Variants in HCN1 observed in about 807,000 individuals in gnomAD.
HCN1 encodes the protein potassium/sodium hyperpolarization-activated cyclic nucleotide-gated channel 1.
HCN1 carries 13 observed loss-of-function variants against 78.9 expected under a neutral mutation model. The ratio of observed to expected loss-of-function variants is 0.16; its 90% CI spans 0.11 to 0.26. The LOEUF is 0.26. Ranked by LOEUF, HCN1 falls within the 10% of genes least tolerant of loss-of-function variation. The pLI is 1.00. For missense variants in HCN1, 810 were observed against 1,154.3 expected, an observed-to-expected ratio of 0.70 and a Z score of 4.32; for synonymous variants, 552 against 455.5, an observed-to-expected ratio of 1.21 and a Z score of -2.70.
intron 1 of HCN1, among the ~76,000 whole-genome samples, chr5:45,690,030 A>G (rs1739877329): frequency 6.6e-6 from 1 of 152,122 alleles, no homozygotes; most frequent in South Asian, 2.1e-4. Context: ...CAGTCATTCC[A>G]TTCCCTGAAC....
rs1744576815 is a variant in HCN1, at chr5:45,254,991, G to A, written c.*6930C>T. 6.6e-6 allele frequency: 1 copy of A among 152,160 alleles called. No homozygotes were observed. The highest frequency in any genetic ancestry group is 2.4e-5 in the African/African-American group (1 of 41,426). The allele number at this position is 152,160 out of a possible 1,614,324, so 9.4% of individuals were successfully genotyped here. On this transcript the variant is annotated 3_prime_UTR_variant, in exon 8 of 8. Coordinates refer to ENST00000303230, the MANE Select transcript of HCN1 (RefSeq NM_021072.4). ...ATTTTTATAATGTCAATGTATTATTGATAGCATTAAAAATGTTACAGAAGG... is the reference window on the plus strand; with the variant it reads ...ATTTTTATAATGTCAATGTATTATTAATAGCATTAAAAATGTTACAGAAGG...
chr5:45,358,972 GCTCTAA>G (rs972770145), intron 4 of HCN1, among the ~76,000 whole-genome samples: 19 of 152,124 alleles, frequency 1.2e-4, no homozygotes, highest in African/African-American at 4.3e-4. Context: ...TTCTTCTTCT[GCTCTAA>G]CTCTGACAAT....
At chr5:45,683,522 C>T (rs1739745934) in intron 1 of HCN1, among the ~76,000 whole-genome samples, 1 of 152,020 alleles carries the variant, frequency 6.6e-6, no homozygotes, top group Non-Finnish European at 1.5e-5. Flanking sequence ...CTGACCTATC[C>T]AGAACAAGTC....
intron 3 of HCN1, among the ~76,000 whole-genome samples, chr5:45,455,981 T>C (rs1741021509): frequency 1.3e-5 from 2 of 151,850 alleles, no homozygotes; most frequent in African/African-American, 2.4e-5. Context: ...AAAAGTAAAA[T>C]AGAGTAACCT....
chr5:45,691,208 A>G (rs894672042), intron 1 of HCN1, among the ~76,000 whole-genome samples: 18 of 150,936 alleles, frequency 1.2e-4, no homozygotes, highest in Admixed American at 1.1e-3. Flanking sequence ...TTCTTTCATT[A>G]TTCAACAGGC....
intron 6 of HCN1, among the ~76,000 whole-genome samples, chr5:45,301,737 A>AG (rs1554016681): frequency 1.7e-4 from 26 of 151,384 alleles, no homozygotes; most frequent in African/African-American, 4.1e-4. Context: ...AAAAAAAAAA[A>AG]AAAGAAAGAA....
At chr5:45,585,821 T>C (rs892375334) in intron 2 of HCN1, among the ~76,000 whole-genome samples, 10 of 152,086 alleles carry the variant, frequency 6.6e-5, no homozygotes, top group African/African-American at 2.4e-4. Flanking sequence ...GTATCAGCAG[T>C]GGAGGCTGCA....
chr5:45,441,315 A>G (rs1342573090), intron 3 of HCN1, among the ~76,000 whole-genome samples: 2 of 151,698 alleles, frequency 1.3e-5, no homozygotes, highest in African/African-American at 2.4e-5. Context: ...AGCATATAAG[A>G]ATAGCTACTC....
intron 2 of HCN1, among the ~76,000 whole-genome samples, chr5:45,584,057 GAGC>G (rs1744146053): frequency 6.6e-6 from 1 of 152,172 alleles, no homozygotes. Flanking sequence ...GCTTGCTGCA[GAGC>G]TGAGTTCAAT....
intron 3 of HCN1, among the ~76,000 whole-genome samples, chr5:45,406,742 T>C (rs1739933007): frequency 6.6e-6 from 1 of 152,176 alleles, no homozygotes; most frequent in African/African-American, 2.4e-5. Context: ...ACTATGTTTC[T>C]TCTCAACCAC....
intron 2 of HCN1, among the ~76,000 whole-genome samples, chr5:45,626,941 C>T (rs1305168022): frequency 6.6e-6 from 1 of 151,562 alleles, no homozygotes; most frequent in African/African-American, 2.4e-5. Flanking sequence ...CATATATATA[C>T]ACGCCATATA....
At chr5:45,294,948 G>C (rs1247662689) in intron 6 of HCN1, among the ~76,000 whole-genome samples, 1 of 152,060 alleles carries the variant, frequency 6.6e-6, no homozygotes, top group East Asian at 1.9e-4. Context: ...TGGCCAGCTT[G>C]TTTAACTGCT....
intron 2 of HCN1, among the ~76,000 whole-genome samples, chr5:45,515,410 T>C (rs1289712788): frequency 6.6e-6 from 1 of 152,028 alleles, no homozygotes; most frequent in Non-Finnish European, 1.5e-5. Context: ...CATTCAACAA[T>C]TGCTTACTGA....
chr5:45,392,496 A>T (rs1739592408), intron 4 of HCN1, among the ~76,000 whole-genome samples: 1 of 152,084 alleles, frequency 6.6e-6, no homozygotes, highest in South Asian at 2.1e-4. Flanking sequence ...TAGCTGAGAG[A>T]GTACTTACAT....
In HCN1 at chr5:45,315,218, C is replaced by T. The variant is rs577942639; in HGVS notation, c.1378-11379G>A. Among the ~76,000 whole-genome samples, 50 of 152,288 alleles carry T rather than the reference C, an allele frequency of 3.3e-4. 2 individuals are homozygous for T. The highest frequency in any genetic ancestry group is 1.7e-3 in the East Asian group (9 of 5,180). Reference sequence around the variant, plus strand: ...ACAGAAATTATAACAAACTGTCTCTCGGACCACAGTGCAATCAAACTAGAA... The same window carrying T: ...ACAGAAATTATAACAAACTGTCTCTTGGACCACAGTGCAATCAAACTAGAA... On this transcript the variant is annotated intron_variant, in intron 5 of 7. Transcript: ENST00000303230.
intron 6 of HCN1, among the ~76,000 whole-genome samples, chr5:45,268,452 G>T (rs1481043702): frequency 6.6e-6 from 1 of 152,084 alleles, no homozygotes; most frequent in Non-Finnish European, 1.5e-5. Flanking sequence ...CCTAACAAAA[G>T]GAAATAAATA....
At chr5:45,613,287 G>A (rs1744877019) in intron 2 of HCN1, among the ~76,000 whole-genome samples, 1 of 151,694 alleles carries the variant, frequency 6.6e-6, no homozygotes. Context: ...AGTTTACTGA[G>A]AATGATGTTT....
intron 2 of HCN1, among the ~76,000 whole-genome samples, chr5:45,500,487 T>C (rs377095963): frequency 3.3e-5 from 5 of 152,210 alleles, no homozygotes; most frequent in Non-Finnish European, 4.4e-5. Flanking sequence ...GTGGATAATA[T>C]GTGGCATGCA....
intron 2 of HCN1, among the ~76,000 whole-genome samples, chr5:45,595,384 C>G (rs1744468636): frequency 1.3e-5 from 2 of 152,164 alleles, no homozygotes; most frequent in Admixed American, 1.3e-4. Flanking sequence ...GTTGCCCAGG[C>G]TGAAGTGTAG....
Sources: allele counts gnomAD v4.1 joint callset (sites outside exome capture counted in the v4.1 genomes callset), GRCh38; gene constraint gnomAD v4.1.1; transcripts MANE v1.5; gene names NCBI Gene and HGNC (gene_info 2026-07-23, HGNC 2026-07-21).